The following CHL1 variants were observed in gnomAD, a reference collection of about 807,000 sequenced individuals.
The protein encoded by CHL1 is neural cell adhesion molecule L1-like protein.
In CHL1, 96 loss-of-function variants were observed where a neutral mutation model predicts 141.9. The ratio of observed to expected loss-of-function variants is 0.68; its 90% confidence interval spans 0.57 to 0.80. CHL1 has a LOEUF of 0.80. Among genes scored for constraint, CHL1 ranks in the 30% least tolerant of loss-of-function variants. The pLI is 0.00. For missense variants in CHL1, 1,820 were observed against 1,457.2 expected, an observed-to-expected ratio of 1.25 and a Z score of -4.05; for synonymous variants, 613 against 502.2, an observed-to-expected ratio of 1.22 and a Z score of -2.95.
intron 5 of CHL1, among the ~76,000 whole-genome samples, chr3:334,100 G>T (rs1344060000): frequency 6.6e-6 from 1 of 152,106 alleles, no homozygotes; most frequent in Non-Finnish European, 1.5e-5. Context: ...GGGACTACAG[G>T]CATGTACCAC....
chr3:314,289 C>T (rs1370019867), intron 2 of CHL1, among the ~76,000 whole-genome samples: 1 of 140,332 alleles, frequency 7.1e-6, no homozygotes, highest in Non-Finnish European at 1.5e-5. Flanking sequence ...AACCTCCCCC[C>T]AATCTTGCAC....
chr3:297,744 T>C (rs1284781715), intron 2 of CHL1, among the ~76,000 whole-genome samples: 1 of 152,234 alleles, frequency 6.6e-6, no homozygotes, highest in Non-Finnish European at 1.5e-5. Context: ...GATCTGAGCT[T>C]AAGCTTTTGT....
At chr3:349,665 G>A in intron 10 of CHL1, 122 bp downstream of exon 10, 1 of 802,904 alleles carries the variant, frequency 1.2e-6, no homozygotes, top group Non-Finnish European at 2.0e-6. Flanking sequence ...TTTAATTGTA[G>A]TGCGGGCATT....
intron 1 of CHL1, among the ~76,000 whole-genome samples, chr3:233,204 T>A (rs1445927687): frequency 6.6e-6 from 1 of 152,194 alleles, no homozygotes; most frequent in Non-Finnish European, 1.5e-5. Flanking sequence ...CCTAGGGCTC[T>A]TCACATTCTG....
intron 19 of CHL1, chr3:384,629 C>G (rs1187029192): frequency 2.0e-5 from 3 of 152,142 alleles, no homozygotes; most frequent in African/African-American, 7.2e-5. Flanking sequence ...ATTTTATTTT[C>G]TCTCTACTAC....
intron 1 of CHL1, among the ~76,000 whole-genome samples, chr3:223,540 A>G (rs145042012): frequency 1.5e-3 from 221 of 152,278 alleles, no homozygotes; most frequent in African/African-American, 5.2e-3. Context: ...TGGCATATAG[A>G]CTTGCTATGT....
intron 1 of CHL1, among the ~76,000 whole-genome samples, chr3:211,538 C>T (rs1379765589): frequency 3.3e-5 from 5 of 152,146 alleles, no homozygotes; most frequent in Non-Finnish European, 7.4e-5. Context: ...CAGATCCTAC[C>T]ATCACGTTCT....
chr3:292,192 T>G (rs1477112573), intron 2 of CHL1, among the ~76,000 whole-genome samples: 2 of 152,346 alleles, frequency 1.3e-5, no homozygotes. Context: ...AATATCTAAA[T>G]GGTAGACGTA....
chr3:278,186 A>G (rs189520413), intron 2 of CHL1, among the ~76,000 whole-genome samples: 7 of 152,352 alleles, frequency 4.6e-5, no homozygotes, highest in Non-Finnish European at 5.9e-5. Context: ...TTAAAATTAC[A>G]AGAATATCCA....
intron 19 of CHL1, among the ~76,000 whole-genome samples, chr3:386,775 GA>G (rs1461961954): frequency 6.6e-6 from 1 of 151,934 alleles, no homozygotes; most frequent in Non-Finnish European, 1.5e-5. Flanking sequence ...AGTATAATAA[GA>G]AGACCTACTG....
chr3:209,070 A>G (rs1379624851), intron 1 of CHL1, among the ~76,000 whole-genome samples: 1 of 152,246 alleles, frequency 6.6e-6, no homozygotes, highest in Admixed American at 6.5e-5. Flanking sequence ...TACTTCAGGT[A>G]TTCAAATGCT....
intron 2 of CHL1, among the ~76,000 whole-genome samples, chr3:300,462 C>G (rs572961254): frequency 2.0e-5 from 3 of 152,230 alleles, no homozygotes; most frequent in South Asian, 4.2e-4. Flanking sequence ...TGGCAAGAAC[C>G]TTACAAGGAG....
chr3:348,955 G>A (rs530287803), intron 9 of CHL1, among the ~76,000 whole-genome samples: 4 of 152,212 alleles, frequency 2.6e-5, no homozygotes, highest in African/African-American at 9.6e-5. Flanking sequence ...ACACAAACAG[G>A]GAATAGGGCT....
chr3:291,995 G>A (rs1397067529), intron 2 of CHL1, among the ~76,000 whole-genome samples: 1 of 152,160 alleles, frequency 6.6e-6, no homozygotes, highest in African/African-American at 2.4e-5. Context: ...TGTTCATTTT[G>A]ATGTCAGCAC....
chr3:344,478 C>CACAT (rs1231143301), intron 8 of CHL1, 111 bp from the exon 9 acceptor site: 1 of 719,036 alleles, frequency 1.4e-6, no homozygotes, highest in Non-Finnish European at 2.3e-6. Flanking sequence ...CACACACACA[C>CACAT]ACACACACAC....
rs545353654 is a variant in CHL1 at position 382,636 on chromosome 3, G to A, written c.2141G>A (p.Ser714Asn). ...AVNEVGRSQP[S>N]QPSDHHETPP... Reference sequence around the variant, plus strand: ...AACGAAGTAGGGAGAAGTCAGCCTAGCCAGCCGTCAGACCATCATGAAACA... The same window carrying A: ...AACGAAGTAGGGAGAAGTCAGCCTAACCAGCCGTCAGACCATCATGAAACA... The change falls in exon 18 of 28, where the codon AGC becomes AAC. Residue 714 changes from serine to asparagine, a missense_variant. Ser to Asn is a conservative substitution (Grantham distance 46). Transcript: ENST00000256509. The A allele has an allele frequency of 2.5e-6, 4 of 1,613,546 alleles. No homozygotes were observed. Among genetic ancestry groups the A allele is most frequent in the Non-Finnish European group, 3.4e-6 (4 of 1,179,806 alleles).
At chr3:271,395 C>G (rs924888145) in intron 2 of CHL1, among the ~76,000 whole-genome samples, 3 of 152,198 alleles carry the variant, frequency 2.0e-5, no homozygotes, top group Non-Finnish European at 2.9e-5. Context: ...GCTGTGATTA[C>G]ACCACTGCAC....
intron 2 of CHL1, among the ~76,000 whole-genome samples, chr3:251,371 G>C (rs13326388): frequency 6.6e-6 from 1 of 152,044 alleles, no homozygotes; most frequent in Non-Finnish European, 1.5e-5. Context: ...GCAACTTTTC[G>C]GTTGAAGATT....
At chr3:275,883 A>G (rs1233529040) in intron 2 of CHL1, among the ~76,000 whole-genome samples, 1 of 152,104 alleles carries the variant, frequency 6.6e-6, no homozygotes, top group Non-Finnish European at 1.5e-5. Flanking sequence ...TAAGGATATT[A>G]TTAATTGTAT....
Sources: gnomAD v4.1 joint callset for allele counts (sites outside exome capture counted in the v4.1 genomes callset) on GRCh38, gnomAD v4.1.1 for gene constraint, MANE v1.5 for transcripts, NCBI Gene and HGNC (gene_info 2026-07-23, HGNC 2026-07-21) for gene names.